The following HAVCR2 variants were observed in gnomAD, a reference collection of about 807,000 sequenced individuals.
The protein encoded by HAVCR2 is T cell immunoglobulin mucin 3.
In HAVCR2, 13 loss-of-function variants were observed where a neutral mutation model predicts 24.7. That is an observed-to-expected ratio of 0.53 (90% CI 0.34 to 0.84). HAVCR2 has a LOEUF of 0.84. Among genes scored for constraint, HAVCR2 ranks in the 40% least tolerant of loss-of-function variants. The pLI is 0.01. For synonymous variants in HAVCR2, 154 were observed against 143.4 expected (o/e 1.07, Z -0.53); for missense variants, 343 against 371.2 (o/e 0.92, Z 0.62).
At chr5:157,104,573 T>G in intron 3 of HAVCR2, 93 bp downstream of exon 3, 1 of 877,978 alleles carries the variant, frequency 1.1e-6, no homozygotes, top group East Asian at 2.8e-5. Flanking sequence ...GCCTCCACTC[T>G]CACACTGTTT....
intron 3 of HAVCR2, among the ~76,000 whole-genome samples, 154 bp downstream of exon 3, chr5:157,104,512 C>G (rs1251071511): frequency 6.6e-6 from 1 of 152,150 alleles, no homozygotes. Flanking sequence ...AGGTGTGTCT[C>G]CACCACTTCC....
chr5:157,101,957 TTTTTTTTG>T (rs1439741875), intron 3 of HAVCR2, among the ~76,000 whole-genome samples: 1 of 147,354 alleles, frequency 6.8e-6, no homozygotes, highest in Non-Finnish European at 1.5e-5. Flanking sequence ...TTTTTTTTTT[TTTTTTTTG>T]GGATGGAATC....
chr5:157,107,177 AG>A (rs1205876830), intron 1 of HAVCR2: 8 of 544,884 alleles, frequency 1.5e-5, no homozygotes, highest in Middle Eastern at 9.5e-4. Flanking sequence ...CTCAACTGCT[AG>A]AGTTCCTGAC....
At position 157,086,046 on chromosome 5, in the gene HAVCR2, G is replaced by A. The variant is rs1213157811; in HGVS notation, c.*1056C>T. 6.6e-6 allele frequency: 1 copy of A among 152,182 alleles called. No homozygotes were observed. The highest frequency in any genetic ancestry group is 1.5e-5 in the Non-Finnish European group (1 of 68,036). 9.4% of individuals were successfully genotyped at this position (152,182 alleles called of 1,614,324 possible). ...CAACAGAATTTGTGTCCCCGTCACT[G>A]CTTCTTCTTCTGTGAAAAATATAGC... On this transcript the variant is annotated 3_prime_UTR_variant, in exon 7 of 7. Transcript: ENST00000307851.
At chr5:157,094,768 T>C (rs1298645817) in intron 5 of HAVCR2, among the ~76,000 whole-genome samples, 1 of 151,598 alleles carries the variant, frequency 6.6e-6, no homozygotes, top group Non-Finnish European at 1.5e-5. Context: ...AGTACCATGA[T>C]GGAGGAAAAC....
intron 3 of HAVCR2, among the ~76,000 whole-genome samples, chr5:157,100,360 T>C (rs1197868580): frequency 6.6e-6 from 1 of 152,208 alleles, no homozygotes; most frequent in Admixed American, 6.5e-5. Flanking sequence ...ACCTCAGTGC[T>C]GTCATTATGA....
At chr5:157,104,313 A>G (rs1400502381) in intron 3 of HAVCR2, among the ~76,000 whole-genome samples, 1 of 152,224 alleles carries the variant, frequency 6.6e-6, no homozygotes, top group African/African-American at 2.4e-5. Flanking sequence ...TCCCAAACAC[A>G]GACTGACACC....
In HAVCR2 at chr5:157,085,920, C is replaced by T. The variant is rs1451088522; in HGVS notation, c.*1182G>A. 6.6e-6 allele frequency: 1 copy of T among 152,126 alleles called. No homozygotes were observed. The highest frequency in any genetic ancestry group is 1.5e-5 in the Non-Finnish European group (1 of 68,026). The allele number at this position is 152,126 out of a possible 1,614,324, so 9.4% of individuals were successfully genotyped here. Reference sequence around the variant, plus strand: ...GCAACAATAAGCAAGACAGATCAAGCCTATACCGTCTTGAAATTTAAGTTT... The same window carrying T: ...GCAACAATAAGCAAGACAGATCAAGTCTATACCGTCTTGAAATTTAAGTTT... On this transcript the variant is annotated 3_prime_UTR_variant, in exon 7 of 7. Coordinates refer to ENST00000307851, the MANE Select transcript of HAVCR2 (RefSeq NM_032782.5).
At chr5:157,103,518 T>C (rs926803090) in intron 3 of HAVCR2, among the ~76,000 whole-genome samples, 3 of 152,232 alleles carry the variant, frequency 2.0e-5, no homozygotes, top group Non-Finnish European at 4.4e-5. Flanking sequence ...TTTATTATTT[T>C]CTGTCCCCAC....
At chr5:157,093,577 G>C (rs1244051400) in intron 5 of HAVCR2, among the ~76,000 whole-genome samples, 1 of 152,136 alleles carries the variant, frequency 6.6e-6, no homozygotes, top group African/African-American at 2.4e-5. Context: ...AAGAAAGGCT[G>C]CTATGTCATA....
At chr5:157,090,981 C>T (rs983169486) in intron 5 of HAVCR2, among the ~76,000 whole-genome samples, 4 of 152,034 alleles carry the variant, frequency 2.6e-5, no homozygotes, top group African/African-American at 7.2e-5. Context: ...GTAGCTGGGA[C>T]GATAGGCGTG....
At chr5:157,094,325 A>G (rs867060190) in intron 5 of HAVCR2, among the ~76,000 whole-genome samples, 6 of 152,004 alleles carry the variant, frequency 3.9e-5, no homozygotes, top group Non-Finnish European at 7.4e-5. Flanking sequence ...AAATACAGGC[A>G]TGAGCCACTG....
intron 3 of HAVCR2, among the ~76,000 whole-genome samples, chr5:157,099,107 A>AT (rs1160738648): frequency 2.6e-5 from 4 of 152,162 alleles, no homozygotes; most frequent in South Asian, 2.1e-4. Flanking sequence ...GGATGGCCAC[A>AT]TTTTTTCATC....
At chr5:157,098,819 A>G (rs1322341623) in intron 4 of HAVCR2, 39 bp downstream of exon 4, 1 of 1,585,332 alleles carries the variant, frequency 6.3e-7, no homozygotes, top group Non-Finnish European at 8.6e-7. Flanking sequence ...TTTCCCCTCC[A>G]AGTTGAGTAC....
chr5:157,107,248 T>C (rs979341382), intron 1 of HAVCR2: 10 of 346,200 alleles, frequency 2.9e-5, no homozygotes, highest in Non-Finnish European at 5.3e-5. Context: ...CAAGTGTTGC[T>C]GAAGTGGCTG....
chr5:157,106,860 C>A lies in HAVCR2; in HGVS notation c.161G>T (p.Gly54Val). ...APGNLVPVCW[G>V]KGACPVFECG... Reference sequence around the variant, plus strand: ...TTCAAACACAGGACAGGCTCCTTTGCCCCAGCAGACGGGCACGAGGTTCCC... The same window carrying A: ...TTCAAACACAGGACAGGCTCCTTTGACCCAGCAGACGGGCACGAGGTTCCC... Residue 54 changes from glycine to valine, a missense_variant, in exon 2 of 7, where the codon GGC becomes GTC. Coordinates refer to ENST00000307851, the MANE Select transcript of HAVCR2 (RefSeq NM_032782.5). The A allele has an allele frequency of 6.2e-7, 1 of 1,614,202 alleles. No individual in the cohort carries two copies. The highest frequency in any genetic ancestry group is 8.5e-7 in the Non-Finnish European group (1 of 1,180,042).
At chr5:157,099,712 G>A (rs1757143342) in intron 3 of HAVCR2, among the ~76,000 whole-genome samples, 1 of 145,414 alleles carries the variant, frequency 6.9e-6, no homozygotes, top group African/African-American at 2.5e-5. Context: ...TTTTCTTTTT[G>A]CGAGACAGAA....
intron 3 of HAVCR2, among the ~76,000 whole-genome samples, chr5:157,100,336 C>T (rs1457268800): frequency 1.3e-5 from 2 of 152,214 alleles, no homozygotes; most frequent in South Asian, 2.1e-4. Context: ...ATTATACTGC[C>T]TTCACCAGCC....
intron 6 of HAVCR2, among the ~76,000 whole-genome samples, chr5:157,087,923 A>G (rs1756939177): frequency 6.7e-6 from 1 of 149,826 alleles, no homozygotes; most frequent in African/African-American, 2.4e-5. Context: ...AAAAAAAATT[A>G]TTAATGCTTT....
Sources: gnomAD v4.1 joint callset for allele counts (sites outside exome capture counted in the v4.1 genomes callset) on GRCh38, gnomAD v4.1.1 for gene constraint, MANE v1.5 for transcripts, NCBI Gene and HGNC (gene_info 2026-07-23, HGNC 2026-07-21) for gene names.